Variants in INHBA observed in about 807,000 individuals in gnomAD.
The protein encoded by INHBA is inhibin beta A chain.
A neutral mutation model predicts 29.0 loss-of-function variants in INHBA; 1 was observed. The ratio of observed to expected loss-of-function variants is 0.03; its 90% CI spans 0.01 to 0.16. The LOEUF (loss-of-function observed/expected upper bound fraction) is 0.16, where lower values mean the gene tolerates loss of function less well. Among genes scored for constraint, INHBA ranks in the 10% least tolerant of loss-of-function variants. The pLI is 1.00. For synonymous variants in INHBA, 242 were observed against 216.8 expected (o/e 1.12, Z -1.02); for missense variants, 376 against 545.4 (o/e 0.69, Z 3.09).
rs1480956524 is a variant in INHBA at position 41,700,866 on chromosome 7, A to AGAGG, written c.-143-350_-143-349insCCTC. On this transcript the variant is annotated intron_variant, in intron 1 of 2. Coordinates refer to ENST00000242208, the MANE Select transcript of INHBA (RefSeq NM_002192.4). ...AAGAGAGAGAGAGAGAGAGAGAGAG[A>AGAGG]GAGAGAGAGAGAAAGGATTGGCCCT... Among the ~76,000 whole-genome samples the AGAGG allele has an allele frequency of 4.1e-5, 6 of 145,932 alleles. No homozygotes were observed. In the East Asian group the frequency reaches 6.3e-4, roughly 15 times the overall value.
chr7:41,689,400 C>T lies in INHBA; in HGVS notation c.*250G>A, dbSNP rs376978623. 4.3e-6 allele frequency: 2 copies of T among 466,312 alleles called. No individual in the cohort carries two copies. Among genetic ancestry groups the T allele is most frequent in the Non-Finnish European group, 7.5e-6 (2 of 266,326 alleles). 28.9% of individuals were successfully genotyped at this position (466,312 alleles called of 1,614,324 possible). On this transcript the variant is annotated 3_prime_UTR_variant, in exon 3 of 3. Transcript: ENST00000242208. The stretch of plus-strand genomic sequence containing the variant: ...AGAAATAAAGGGTACACCATTCTCC[C>T]TTTCCCTCCCAATTCCTGTCTCTTT...
chr7:41,700,388 G>C lies in INHBA; in HGVS notation c.-14C>G. 7.0e-7 allele frequency: 1 copy of C among 1,434,222 alleles called. No homozygotes were observed. Among genetic ancestry groups the C allele is most frequent in the Non-Finnish European group, 9.2e-7 (1 of 1,092,376 alleles). The allele number at this position is 1,434,222 out of a possible 1,614,324, so 88.8% of individuals were successfully genotyped here. Reference sequence around the variant, plus strand: ...AAGCAAGGGCATCCTGGCAGCAAAAGTTGTTGTGATTGCCTTTTTAAAAGG... The same window carrying C: ...AAGCAAGGGCATCCTGGCAGCAAAACTTGTTGTGATTGCCTTTTTAAAAGG... On this transcript the variant is annotated 5_prime_UTR_variant, in exon 2 of 3. Coordinates refer to ENST00000242208, the MANE Select transcript of INHBA (RefSeq NM_002192.4).
chr7:41,686,127 A>G lies in INHBA; in HGVS notation c.*3523T>C, dbSNP rs969474932. On this transcript the variant is annotated 3_prime_UTR_variant, in exon 3 of 3. Coordinates refer to ENST00000242208, the MANE Select transcript of INHBA (RefSeq NM_002192.4). The stretch of plus-strand genomic sequence containing the variant: ...AAGGAGACTGCAGGGATTCTCCTTG[A>G]AAACGGAGTATGGAATCAATCTTAA... 5 of 152,152 alleles carry G rather than the reference A, an allele frequency of 3.3e-5. No individual in the cohort carries two copies. The highest frequency in any genetic ancestry group is 1.2e-4 in the African/African-American group (5 of 41,454). 9.4% of individuals were successfully genotyped at this position (152,152 alleles called of 1,614,324 possible).
Position 41,700,288 on chromosome 7 carries a change from G to A in INHBA, c.87C>T (p.His29=). The A allele has an allele frequency of 6.3e-7, 1 of 1,590,148 alleles. No homozygotes were observed. Among genetic ancestry groups the A allele is most frequent in the Non-Finnish European group, 8.6e-7 (1 of 1,166,036 alleles). The change falls in exon 2 of 3, where the codon CAC becomes CAT. Residue 29 remains histidine (H), a synonymous_variant. Coordinates refer to ENST00000242208, the MANE Select transcript of INHBA (RefSeq NM_002192.4). ...AGGACGGACAGTCGGGGGCCGCGCT[G>A]TGCCCCTCGGATCCTGGGGTGGGGG... ...RSSPTPGSEG[H]SAAPDCPSCA... is the part of the protein sequence containing the mutation.
Position 41,690,001 on chromosome 7 carries a change from C to T in INHBA, c.930G>A (p.Arg310=). 3 of 1,614,082 alleles carry T rather than the reference C, an allele frequency of 1.9e-6. No individual in the cohort carries two copies. The highest frequency in any genetic ancestry group is 8.5e-7 in the Non-Finnish European group (1 of 1,180,032). ...SEDHPHRRRR[R]GLECDGKVNI... Reference sequence around the variant, plus strand: ...TGACCTTGCCATCACACTCCAAGCCCCGCCGACGCCGGCGATGAGGGTGGT... The same window carrying T: ...TGACCTTGCCATCACACTCCAAGCCTCGCCGACGCCGGCGATGAGGGTGGT... Residue 310 remains arginine (R), a synonymous_variant, in exon 3 of 3, where the codon CGG becomes CGA. Coordinates refer to ENST00000242208, the MANE Select transcript of INHBA (RefSeq NM_002192.4).
At chr7:41,699,180 T>C (rs1794715261) in intron 2 of INHBA, among the ~76,000 whole-genome samples, 1 of 152,238 alleles carries the variant, frequency 6.6e-6, no homozygotes, top group Non-Finnish European at 1.5e-5. Flanking sequence ...TTCTTCCTCT[T>C]AAGGATTGAG....
At position 41,685,423 on chromosome 7, in the gene INHBA, C is replaced by CA. The variant is rs1310519065; in HGVS notation, c.*4226dup. ...ACTTTAATTACATTAGCCAAACAGA[C>CA]ATTGGTTAAAGAACTGCATGTAGTA... On this transcript the variant is annotated 3_prime_UTR_variant, in exon 3 of 3. Coordinates refer to ENST00000242208, the MANE Select transcript of INHBA (RefSeq NM_002192.4). 5 of 151,958 alleles carry CA rather than the reference C, an allele frequency of 3.3e-5. No homozygotes were observed. The highest frequency in any genetic ancestry group is 1.2e-4 in the African/African-American group (5 of 41,420). 9.4% of individuals were successfully genotyped at this position (151,958 alleles called of 1,614,324 possible). A position where few individuals can be genotyped will look rare whatever the true frequency, so the allele number is the denominator to read the frequency against.
intron 2 of INHBA, among the ~76,000 whole-genome samples, chr7:41,698,578 C>A (rs1393453550): frequency 1.3e-5 from 2 of 152,114 alleles, no homozygotes; most frequent in African/African-American, 4.8e-5. Flanking sequence ...ATGATCATGC[C>A]TTTTGGGGCT....
chr7:41,703,632 A>G (rs1794844910), upstream of INHBA, among the ~76,000 whole-genome samples: 1 of 152,134 alleles, frequency 6.6e-6, no homozygotes, highest in African/African-American at 2.4e-5. Context: ...ACCCCAACCA[A>G]CTTACACTAT....
At position 41,689,846 on chromosome 7, in the gene INHBA, G is replaced by A; in HGVS notation, c.1085C>T (p.Ser362Phe). The A allele has an allele frequency of 6.2e-7, 1 of 1,614,114 alleles. No homozygotes were observed. Reference protein sequence around the residue: ...GECPSHIAGTSGSSLSFHSTV... With the variant: ...GECPSHIAGTFGSSLSFHSTV... The stretch of plus-strand genomic sequence containing the variant: ...TGAGTGGAAGGACAGTGAGGACCCG[G>A]ACGTGCCTGCTATATGGCTCGGGCA... Residue 362 changes from serine to phenylalanine, a missense_variant, in exon 3 of 3, where the codon TCC (serine) becomes TTC (phenylalanine). By Grantham distance (155) the Ser-to-Phe change is radical. Around this residue, in one of 4 missense-constraint regions of INHBA, gnomAD observed 50 missense variants for 137.9 expected, o/e 0.36. Transcript: ENST00000242208.
chr7:41,691,973 A>G (rs746074515), intron 2 of INHBA: 4 of 152,238 alleles, frequency 2.6e-5, no homozygotes, highest in Non-Finnish European at 4.4e-5. Context: ...TGGACAGGAA[A>G]TCCCCACATT....
chr7:41,703,991 G>C (rs968572470), upstream of INHBA, among the ~76,000 whole-genome samples: 1 of 152,144 alleles, frequency 6.6e-6, no homozygotes, highest in African/African-American at 2.4e-5. Context: ...CAGGAGGAAG[G>C]GGTCCTCTGA....
In INHBA at chr7:41,699,929, T is replaced by C. The variant is rs139728345; in HGVS notation, c.388+58A>G. The C allele has an allele frequency of 8.3e-3, 6,790 of 813,510 alleles. 96 individuals are homozygous for C. The highest frequency in any genetic ancestry group is 9.4e-3 in the Non-Finnish European group (4,770 of 509,092). 50.4% of individuals were successfully genotyped at this position (813,510 alleles called of 1,614,324 possible). On this transcript the variant is annotated intron_variant, in intron 2 of 2. Coordinates refer to ENST00000242208, the MANE Select transcript of INHBA (RefSeq NM_002192.4). Reference sequence around the variant, plus strand: ...GTTCCTCCTGGGACTGTCAAAGAAATATATTTTACCCTCCCACCCCCCACC... The same window carrying C: ...GTTCCTCCTGGGACTGTCAAAGAAACATATTTTACCCTCCCACCCCCCACC...
chr7:41,703,792 CAACA>C (rs756617276), upstream of INHBA, among the ~76,000 whole-genome samples: 1 of 114,748 alleles, frequency 8.7e-6, no homozygotes, highest in Non-Finnish European at 2.0e-5. Context: ...CACACACACA[CAACA>C]ACAACAACAA....
chr7:41,690,144 T>G lies in INHBA; in HGVS notation c.787A>C (p.Lys263Gln). 1 of 1,594,132 alleles carries G rather than the reference T, an allele frequency of 6.3e-7. No homozygotes were observed. The highest frequency in any genetic ancestry group is 8.6e-7 in the Non-Finnish European group (1 of 1,165,522). Reference protein sequence around the residue: ...SLVLLGKKKKKEEEGEGKKKG... With the variant: ...SLVLLGKKKKQEEEGEGKKKG... ...TTTTTCCCTTCCCCCTCCTCTTCTT[T>G]CTTCTTCTTCTTGCCCAGGAGAACC... Residue 263 changes from lysine to glutamine, a missense_variant, in exon 3 of 3, where the codon AAA becomes CAA. Physicochemically the swap from Lys to Gln is moderately conservative, Grantham distance 53. This residue lies in a region of INHBA where 253 missense variants were observed against 313.4 expected (regional missense o/e 0.81). Coordinates refer to ENST00000242208, the MANE Select transcript of INHBA (RefSeq NM_002192.4).
intron 1 of INHBA, among the ~76,000 whole-genome samples, chr7:41,702,640 A>G (rs1794821840): frequency 6.6e-6 from 1 of 152,234 alleles, no homozygotes; most frequent in African/African-American, 2.4e-5. Flanking sequence ...CAAAAGTTTA[A>G]TGGCTCTAAA....
chr7:41,689,102 C>CTGTGTGTGTG lies in INHBA; in HGVS notation c.*538_*547dup, dbSNP rs56919042. The CTGTGTGTGTG allele has an allele frequency of 6.7e-3, 1,503 of 224,684 alleles. 15 individuals are homozygous for CTGTGTGTGTG. Among genetic ancestry groups the CTGTGTGTGTG allele is most frequent in the African/African-American group, 0.023 (1,008 of 43,142 alleles). The allele number at this position is 224,684 out of a possible 1,614,324, so 13.9% of individuals were successfully genotyped here. ...GTATATATGTAATGTGTGGAAATGC[C>CTGTGTGTGTG]TGTGTGTGTGTGTGTGTGTGTGTGT... On this transcript the variant is annotated 3_prime_UTR_variant, in exon 3 of 3. Coordinates refer to ENST00000242208, the MANE Select transcript of INHBA (RefSeq NM_002192.4).
In INHBA at chr7:41,689,523, G is replaced by GTTT. The variant is rs202220254; in HGVS notation, c.*124_*126dup. 9.4e-5 allele frequency: 53 copies of GTTT among 563,478 alleles called. No homozygotes were observed. Among genetic ancestry groups the GTTT allele is most frequent in the African/African-American group, 2.6e-4 (12 of 45,976 alleles). 34.9% of individuals were successfully genotyped at this position (563,478 alleles called of 1,614,324 possible). On this transcript the variant is annotated 3_prime_UTR_variant, in exon 3 of 3. Coordinates refer to ENST00000242208, the MANE Select transcript of INHBA (RefSeq NM_002192.4). ...TTTTAATTTACTTTTGTTTTTTTTTGTTTTTTTTTTTGTTTTGTTTTTAAT... is the reference window on the plus strand; with the variant it reads ...TTTTAATTTACTTTTGTTTTTTTTTGTTTTTTTTTTTTTTGTTTTGTTTTTAAT...
chr7:41,703,821 C>T (rs1012516216), upstream of INHBA, among the ~76,000 whole-genome samples: 26 of 151,902 alleles, frequency 1.7e-4, no homozygotes, highest in African/African-American at 6.0e-4. Context: ...AACCCTCATG[C>T]ATCATTCTTT....
Sources: gnomAD v4.1 joint callset for allele counts (sites outside exome capture counted in the v4.1 genomes callset) on GRCh38, gnomAD v4.1.1 for gene constraint, gnomAD v4.1.1 regional missense constraint, MANE v1.5 for transcripts, NCBI Gene and HGNC (gene_info 2026-07-23, HGNC 2026-07-21) for gene names.